The following TENM4 variants were observed in gnomAD, a reference collection of about 807,000 sequenced individuals.
The protein encoded by TENM4 is teneurin transmembrane protein 4, also known as teneurin-4.
Under a neutral mutation model 243.3 loss-of-function variants are expected in TENM4, and 82 were observed. That is an observed-to-expected ratio of 0.34 (90% confidence interval 0.28 to 0.40). TENM4 has a LOEUF of 0.40. Among genes scored for constraint, TENM4 ranks in the 10% least tolerant of loss-of-function variants. TENM4 has a pLI of 1.00. For missense variants in TENM4, 3,138 were observed against 3,673.3 expected (o/e 0.85, Z 3.77); for synonymous variants, 1,412 against 1,456.3 (o/e 0.97, Z 0.69).
chr11:79,424,701 G>A (rs775988599), intron 1 of TENM4, among the ~76,000 whole-genome samples: 2 of 151,952 alleles, frequency 1.3e-5, no homozygotes, highest in Non-Finnish European at 2.9e-5. Flanking sequence ...TTGGGAGGCC[G>A]AGGCGGGCGG....
chr11:79,116,510 GAAAT>G (rs1861624729), intron 4 of TENM4, among the ~76,000 whole-genome samples: 2 of 151,750 alleles, frequency 1.3e-5, no homozygotes, highest in Non-Finnish European at 2.9e-5. Flanking sequence ...ACGGTGCTGT[GAAAT>G]AGTAAAATAG....
intron 1 of TENM4, among the ~76,000 whole-genome samples, chr11:79,409,765 T>C (rs1263101353): frequency 1.3e-5 from 2 of 152,204 alleles, no homozygotes; most frequent in Admixed American, 6.5e-5. Flanking sequence ...TTTGGGACTC[T>C]CTGGAGGTGG....
At chr11:79,301,791 C>T (rs1007656858) in intron 1 of TENM4, among the ~76,000 whole-genome samples, 1 of 152,130 alleles carries the variant, frequency 6.6e-6, no homozygotes, top group Admixed American at 6.5e-5. Flanking sequence ...GGCCTCACCC[C>T]CCTTGCTCCC....
At chr11:79,391,829 G>A (rs1858239454) in intron 1 of TENM4, among the ~76,000 whole-genome samples, 1 of 152,134 alleles carries the variant, frequency 6.6e-6, no homozygotes, top group Admixed American at 6.5e-5. Flanking sequence ...CACCCCAAGG[G>A]CTTTCAATGA....
At chr11:78,734,208 AAAAT>A (rs1476016952) in intron 20 of TENM4, among the ~76,000 whole-genome samples, 1 of 152,010 alleles carries the variant, frequency 6.6e-6, no homozygotes, top group African/African-American at 2.4e-5. Context: ...TAAAAAATAA[AAAAT>A]AAAAAATAAA....
chr11:78,839,674 A>G lies in TENM4; in HGVS notation c.1681+14430T>C, dbSNP rs144104992. 1.0e-3 allele frequency among the ~76,000 whole-genome samples: 159 copies of G among 152,280 alleles called. 1 individual carries two copies. The highest frequency in any genetic ancestry group is 6.8e-3 in the Middle Eastern group (2 of 294). Reference sequence around the variant, plus strand: ...TAAAACAATGCTAACTAATCGGTGCACCTTATTTTATTAGTGATTTTAAAG... The same window carrying G: ...TAAAACAATGCTAACTAATCGGTGCGCCTTATTTTATTAGTGATTTTAAAG... On this transcript the variant is annotated intron_variant, in intron 12 of 33. Coordinates refer to ENST00000278550, the MANE Select transcript of TENM4 (RefSeq NM_001098816.3).
At chr11:78,695,143 C>T (rs1858925241) in intron 28 of TENM4, among the ~76,000 whole-genome samples, 1 of 148,776 alleles carries the variant, frequency 6.7e-6, no homozygotes, top group Non-Finnish European at 1.5e-5. Flanking sequence ...AACTCCTGGG[C>T]TGAAAAGTGC....
intron 9 of TENM4, among the ~76,000 whole-genome samples, chr11:78,886,326 C>A (rs778792826): frequency 6.6e-6 from 1 of 152,176 alleles, no homozygotes; most frequent in Non-Finnish European, 1.5e-5. Flanking sequence ...TCAGCTGAGA[C>A]AATTAATTTG....
At chr11:78,850,428 T>C (rs1165342532) in intron 12 of TENM4, among the ~76,000 whole-genome samples, 2 of 152,178 alleles carry the variant, frequency 1.3e-5, no homozygotes, top group Non-Finnish European at 2.9e-5. Context: ...ACCCGAGAGT[T>C]ACAATTATAT....
At chr11:78,762,074 T>C (rs1167348279) in intron 18 of TENM4, among the ~76,000 whole-genome samples, 1 of 152,226 alleles carries the variant, frequency 6.6e-6, no homozygotes, top group African/African-American at 2.4e-5. Flanking sequence ...AGAGAATCTC[T>C]GTATGACCTA....
At chr11:79,318,828 C>T (rs1856843602) in intron 1 of TENM4, among the ~76,000 whole-genome samples, 1 of 152,170 alleles carries the variant, frequency 6.6e-6, no homozygotes. Context: ...ACTTGGTTCT[C>T]ATGAGCCAGT....
chr11:79,250,149 C>A (rs774562606), intron 2 of TENM4, among the ~76,000 whole-genome samples: 1 of 152,160 alleles, frequency 6.6e-6, no homozygotes, highest in Non-Finnish European at 1.5e-5. Context: ...CCATGCCCGG[C>A]TGATTTTTTG....
intron 32 of TENM4, among the ~76,000 whole-genome samples, chr11:78,664,241 T>C (rs912288017): frequency 6.6e-6 from 1 of 152,198 alleles, no homozygotes; most frequent in Non-Finnish European, 1.5e-5. Context: ...TATTCTAAGC[T>C]TATATATAAA....
intron 19 of TENM4, among the ~76,000 whole-genome samples, chr11:78,751,073 G>GT (rs1490009829): frequency 6.6e-6 from 1 of 152,158 alleles, no homozygotes. Context: ...TAGAGACGGG[G>GT]TTTTGCCACA....
intron 7 of TENM4, among the ~76,000 whole-genome samples, chr11:78,900,392 C>A (rs1035331292): frequency 1.3e-5 from 2 of 152,168 alleles, no homozygotes; most frequent in African/African-American, 4.8e-5. Context: ...ATCACTTGTA[C>A]CCTCAGAACA....
At chr11:78,782,799 G>A (rs922422239) in intron 16 of TENM4, among the ~76,000 whole-genome samples, 2 of 150,616 alleles carry the variant, frequency 1.3e-5, no homozygotes, top group Admixed American at 6.6e-5. Context: ...GACAAAGCAC[G>A]GAAGATTTTG....
chr11:79,100,781 C>T (rs1156398177), intron 4 of TENM4, among the ~76,000 whole-genome samples: 3 of 152,176 alleles, frequency 2.0e-5, no homozygotes, highest in Non-Finnish European at 4.4e-5. Flanking sequence ...AAGGAAGCCC[C>T]TCCCTCTCTC....
At chr11:79,059,691 C>T (rs1860037883) in intron 6 of TENM4, among the ~76,000 whole-genome samples, 1 of 152,220 alleles carries the variant, frequency 6.6e-6, no homozygotes, top group African/African-American at 2.4e-5. Flanking sequence ...ACTCTTATCT[C>T]TGAACTTTTT....
At chr11:79,272,158 A>G (rs1033523134) in intron 2 of TENM4, among the ~76,000 whole-genome samples, 8 of 152,128 alleles carry the variant, frequency 5.3e-5, no homozygotes, top group African/African-American at 1.9e-4. Flanking sequence ...GGACTCAACC[A>G]GTCCTGGATT....
Sources: allele counts gnomAD v4.1 joint callset (sites outside exome capture counted in the v4.1 genomes callset), GRCh38; gene constraint gnomAD v4.1.1; transcripts MANE v1.5; gene names NCBI Gene and HGNC (gene_info 2026-07-23, HGNC 2026-07-21).